EYA1: variants seen among roughly 807,000 people sequenced by gnomAD.
EYA1 encodes the protein protein phosphatase EYA1.
In EYA1, 16 loss-of-function variants were observed where a neutral mutation model predicts 82.0. The observed-to-expected ratio is 0.20, with a 90% CI of 0.13 to 0.30. EYA1 has a LOEUF of 0.30. EYA1 is among the 10% of genes least tolerant of loss of function. The pLI is 1.00. For synonymous variants in EYA1, 261 were observed against 264.4 expected, an observed-to-expected ratio of 0.99 and a Z score of 0.12; for missense variants, 633 against 730.7, an observed-to-expected ratio of 0.87 and a Z score of 1.54.
Position 71,205,154 on chromosome 8 carries a change from T to G in EYA1, c.1699-5734A>C, listed in dbSNP as rs73286311. Among the ~76,000 whole-genome samples, 636 of 152,294 alleles carry G rather than the reference T, an allele frequency of 4.2e-3. 6 individuals carry two copies. Among genetic ancestry groups the G allele is most frequent in the African/African-American group, 0.015 (617 of 41,580 alleles). ...CAAGTTTTAGAATGTACATATAAAA[T>G]GAACATATTTAATGACGCCTTTCTC... On this transcript the variant is annotated intron_variant, in intron 17 of 17. Coordinates refer to ENST00000340726, the MANE Select transcript of EYA1 (RefSeq NM_000503.6).
chr8:71,210,954 T>A (rs930277080), intron 17 of EYA1, among the ~76,000 whole-genome samples: 4 of 152,262 alleles, frequency 2.6e-5, no homozygotes, highest in African/African-American at 9.6e-5. Flanking sequence ...ACACCACTTG[T>A]GGCCCTTGAG....
intron 16 of EYA1, among the ~76,000 whole-genome samples, chr8:71,212,636 A>G (rs1808663567): frequency 2.0e-5 from 3 of 152,226 alleles, no homozygotes; most frequent in Non-Finnish European, 4.4e-5. Context: ...AATAGAGGTT[A>G]AGAAAATGAA....
In EYA1 at chr8:71,459,998, C is replaced by G. The variant is rs921252373; in HGVS notation, c.33+75746G>C. Reference sequence around the variant, plus strand: ...ATTTAAGTAATTTTCATCACATATTCCTTTGTTACCTCTGTCATCTACTCG... The same window carrying G: ...ATTTAAGTAATTTTCATCACATATTGCTTTGTTACCTCTGTCATCTACTCG... On this transcript the variant is annotated intron_variant, in intron 2 of 18. Transcript: ENST00000643681. Among the ~76,000 whole-genome samples, 9 of 152,202 alleles carry G rather than the reference C, an allele frequency of 5.9e-5. No individual in the cohort carries two copies. In the East Asian group the frequency reaches 1.7e-3, roughly 29 times the overall value.
At chr8:71,345,930 C>T (rs984450393) in intron 3 of EYA1, among the ~76,000 whole-genome samples, 7 of 152,266 alleles carry the variant, frequency 4.6e-5, no homozygotes, top group East Asian at 1.9e-4. Context: ...AGCCCTTCAT[C>T]ATCATCTTTG....
rs751187579 is a variant in EYA1 at position 71,299,676 on chromosome 8, A to C, written c.601T>G (p.Ser201Ala). 2 of 1,596,054 alleles carry C rather than the reference A, an allele frequency of 1.3e-6. No homozygotes were observed. Among genetic ancestry groups the C allele is most frequent in the South Asian group, 2.2e-5 (2 of 90,660 alleles). ...TSSGIYTGNNSLTNSSGFNSS... is the reference protein window; with the variant it reads ...TSSGIYTGNNALTNSSGFNSS... ...TTAAATCCAGAGGAATTTGTGAGTG[A>C]ATTATTTCCTGTATATATTCCTGAT... Residue 201 changes from serine (S) to alanine (A), a missense_variant, in exon 8 of 18, where the codon TCA (serine) becomes GCA (alanine). By Grantham distance (99) the Ser-to-Ala change is moderately conservative. Coordinates refer to ENST00000340726, the MANE Select transcript of EYA1 (RefSeq NM_000503.6).
chr8:71,539,909 G>A (rs1815013344), intron 1 of EYA1, among the ~76,000 whole-genome samples: 1 of 152,120 alleles, frequency 6.6e-6, no homozygotes, highest in Non-Finnish European at 1.5e-5. Flanking sequence ...ATTAAATTGA[G>A]ACTATAATCT....
chr8:71,356,294 T>C (rs985889013), intron 2 of EYA1, among the ~76,000 whole-genome samples, 168 bp downstream of exon 2: 4 of 152,192 alleles, frequency 2.6e-5, no homozygotes, highest in African/African-American at 9.6e-5. Context: ...TCCTATTCCC[T>C]TTCTACATAC....
Position 71,486,754 on chromosome 8 carries a change from G to A in EYA1, c.33+48990C>T, listed in dbSNP as rs77173216. Among the ~76,000 whole-genome samples the A allele has an allele frequency of 1.9e-4, 29 of 152,206 alleles. 1 individual carries two copies. Among genetic ancestry groups the A allele is most frequent in the East Asian group, 1.4e-3 (7 of 5,146 alleles). On this transcript the variant is annotated intron_variant, in intron 2 of 18. Coordinates refer to the EYA1 transcript ENST00000643681. ...CAAGGGTGAGGTTCTAAGAAAGCAC[G>A]TCTGCCCTGCAGACCCAAACTCTCC...
At chr8:71,541,339 G>A (rs1815121884) in intron 1 of EYA1, among the ~76,000 whole-genome samples, 1 of 152,160 alleles carries the variant, frequency 6.6e-6, no homozygotes, top group African/African-American at 2.4e-5. Context: ...TACTGGTACT[G>A]CTGATTTAAA....
intron 1 of EYA1, among the ~76,000 whole-genome samples, chr8:71,538,193 G>A (rs1371613760): frequency 6.6e-6 from 1 of 152,026 alleles, no homozygotes; most frequent in Non-Finnish European, 1.5e-5. Flanking sequence ...TCCCTTGCTG[G>A]ACTTGATCTT....
At chr8:71,444,727 T>C (rs963253924) in intron 2 of EYA1, among the ~76,000 whole-genome samples, 3 of 152,234 alleles carry the variant, frequency 2.0e-5, no homozygotes, top group Admixed American at 1.3e-4. Flanking sequence ...GCCAGAATTT[T>C]ATATCTGAAC....
At position 71,210,435 on chromosome 8, in the gene EYA1, C is replaced by T. The variant is rs551447665; in HGVS notation, c.1698+721G>A. Among the ~76,000 whole-genome samples the T allele has an allele frequency of 1.1e-4, 17 of 152,190 alleles. No individual in the cohort carries two copies. In the South Asian group the frequency reaches 3.3e-3, roughly 30 times the overall value. On this transcript the variant is annotated intron_variant, in intron 17 of 17. Coordinates refer to ENST00000340726, the MANE Select transcript of EYA1 (RefSeq NM_000503.6). ...TGTAAGGTACAGGAGGGAGACAGAT[C>T]AGAAAGGCAGGCTGTAACCAGACTG...
intron 3 of EYA1, among the ~76,000 whole-genome samples, chr8:71,352,752 G>A (rs1421172276): frequency 6.6e-6 from 1 of 152,146 alleles, no homozygotes; most frequent in East Asian, 1.9e-4. Context: ...ACAAAGTGCA[G>A]TATTCCTAAA....
chr8:71,351,218 C>G (rs1826275862), intron 3 of EYA1, among the ~76,000 whole-genome samples: 1 of 151,998 alleles, frequency 6.6e-6, no homozygotes, highest in South Asian at 2.1e-4. Context: ...ACTAACTGTC[C>G]AAAGGAAGAG....
intron 2 of EYA1, among the ~76,000 whole-genome samples, chr8:71,481,819 GA>G (rs1810185110): frequency 6.6e-6 from 1 of 152,110 alleles, no homozygotes; most frequent in Non-Finnish European, 1.5e-5. Flanking sequence ...TTCTGATGGA[GA>G]AAAAGGAAGG....
At chr8:71,327,233 TAGC>T (rs1823265004) in intron 4 of EYA1, among the ~76,000 whole-genome samples, 1 of 152,200 alleles carries the variant, frequency 6.6e-6, no homozygotes, top group African/African-American at 2.4e-5. Context: ...GCTTGGCATA[TAGC>T]AGGTGCTCAA....
chr8:71,318,058 G>A (rs1822127768), intron 6 of EYA1, among the ~76,000 whole-genome samples: 1 of 152,118 alleles, frequency 6.6e-6, no homozygotes, highest in Admixed American at 6.6e-5. Context: ...TTAGCTAAAT[G>A]TTCCCAAAGT....
chr8:71,506,018 C>T (rs191765677), intron 2 of EYA1, among the ~76,000 whole-genome samples: 1 of 152,160 alleles, frequency 6.6e-6, no homozygotes, highest in Non-Finnish European at 1.5e-5. Flanking sequence ...GCAGATGGTA[C>T]CTGCTTCCCC....
intron 17 of EYA1, among the ~76,000 whole-genome samples, chr8:71,206,952 TG>T (rs1213268875): frequency 6.6e-6 from 1 of 151,808 alleles, no homozygotes. Flanking sequence ...GACAGGGTTT[TG>T]CCATGTTGCC....
Sources: allele counts gnomAD v4.1 joint callset (sites outside exome capture counted in the v4.1 genomes callset), GRCh38; gene constraint gnomAD v4.1.1; transcripts MANE v1.5; gene names NCBI Gene and HGNC (gene_info 2026-07-23, HGNC 2026-07-21).